IGF2BP2: variants seen among roughly 807,000 people sequenced by gnomAD.
The protein encoded by IGF2BP2 is insulin like growth factor 2 mRNA binding protein 2.
IGF2BP2 carries 17 observed loss-of-function variants against 75.8 expected under a neutral mutation model. That is an observed-to-expected ratio of 0.22 (90% CI 0.15 to 0.34). IGF2BP2 has a LOEUF of 0.34. IGF2BP2 is among the 10% of genes least tolerant of loss of function. The pLI is 1.00. For synonymous variants in IGF2BP2, 288 were observed against 295.6 expected (o/e 0.97, Z 0.26); for missense variants, 516 against 772.4 (o/e 0.67, Z 3.93).
intron 11 of IGF2BP2, 53 bp from the exon 12 acceptor site, chr3:185,657,455 C>T: frequency 1.4e-6 from 2 of 1,398,348 alleles, no homozygotes; most frequent in Non-Finnish European, 1.0e-6. Flanking sequence ...CTTTCTCCTC[C>T]AGGCACTCAA....
At chr3:185,663,252 T>C (rs1716763336) in intron 10 of IGF2BP2, among the ~76,000 whole-genome samples, 1 of 152,144 alleles carries the variant, frequency 6.6e-6, no homozygotes, top group Admixed American at 6.5e-5. Flanking sequence ...TACTTTATTT[T>C]TGAGTGTTTC....
chr3:185,800,640 G>A (rs1424035974), intron 2 of IGF2BP2, among the ~76,000 whole-genome samples: 2 of 151,758 alleles, frequency 1.3e-5, no homozygotes, highest in Non-Finnish European at 2.9e-5. Context: ...AGGAGGTTGA[G>A]GCCAGAGAAT....
chr3:185,707,860 T>C (rs1724269032), intron 2 of IGF2BP2, among the ~76,000 whole-genome samples: 1 of 152,228 alleles, frequency 6.6e-6, no homozygotes, highest in African/African-American at 2.4e-5. Context: ...CTGTGCAATG[T>C]AGAGAAAGAA....
At chr3:185,738,832 T>C (rs545991348) in intron 2 of IGF2BP2, among the ~76,000 whole-genome samples, 3 of 152,326 alleles carry the variant, frequency 2.0e-5, no homozygotes, top group Non-Finnish European at 4.4e-5. Flanking sequence ...AAATACAAAC[T>C]TTAAAACTTA....
At chr3:185,667,839 T>C (rs1717882966) in intron 10 of IGF2BP2, among the ~76,000 whole-genome samples, 1 of 152,226 alleles carries the variant, frequency 6.6e-6, no homozygotes, top group South Asian at 2.1e-4. Context: ...CAACCCTATG[T>C]CACACAAGTC....
At chr3:185,649,655 GAC>G (rs1044027005) in intron 13 of IGF2BP2, 121 bp from the exon 14 acceptor site, 54 of 1,362,384 alleles carry the variant, frequency 4.0e-5, no homozygotes, top group Non-Finnish European at 5.0e-5. Flanking sequence ...CACTCCCTGG[GAC>G]ACACAGGAAG....
In IGF2BP2 at chr3:185,649,096, T is replaced by G. The variant is rs9681691; in HGVS notation, c.1593+307A>C. On this transcript the variant is annotated intron_variant, in intron 14 of 15. Transcript: ENST00000382199. ...AGACAGCCTCTCTGTTTTCAGGGAG[T>G]GGAGGCCTTCACTGACCATGGAGTC... 7.5e-3 allele frequency among the ~76,000 whole-genome samples: 1,134 copies of G among 151,026 alleles called. 10 individuals are homozygous for G. Among genetic ancestry groups the G allele is most frequent in the African/African-American group, 0.026 (1,062 of 41,096 alleles).
At position 185,772,571 on chromosome 3, in the gene IGF2BP2, C is replaced by A. The variant is rs544933173; in HGVS notation, c.239+50582G>T. Among the ~76,000 whole-genome samples, 17 of 147,212 alleles carry A rather than the reference C, an allele frequency of 1.2e-4. No homozygotes were observed. In the East Asian group the frequency reaches 3.4e-3, roughly 29 times the overall value. On this transcript the variant is annotated intron_variant, in intron 2 of 15. Transcript: ENST00000382199. The stretch of plus-strand genomic sequence containing the variant: ...CCTATACAACTCCTTTTCTTCCCTT[C>A]TCTCTCTTTTTTTTTTTTTTTTTTT...
At chr3:185,770,302 G>C (rs1229799915) in intron 2 of IGF2BP2, among the ~76,000 whole-genome samples, 1 of 152,184 alleles carries the variant, frequency 6.6e-6, no homozygotes, top group African/African-American at 2.4e-5. Context: ...CAACCCGAGG[G>C]AGCATATCTG....
At chr3:185,806,034 T>A (rs1738982166) in intron 2 of IGF2BP2, among the ~76,000 whole-genome samples, 1 of 151,734 alleles carries the variant, frequency 6.6e-6, no homozygotes, top group South Asian at 2.1e-4. Flanking sequence ...CTCAGCCTGA[T>A]CTCAGGTGAT....
intron 10 of IGF2BP2, among the ~76,000 whole-genome samples, chr3:185,666,091 G>C (rs966626384): frequency 1.3e-5 from 2 of 152,128 alleles, no homozygotes; most frequent in Non-Finnish European, 2.9e-5. Flanking sequence ...TAGACACCCA[G>C]AATTCATTCA....
chr3:185,761,250 C>CA (rs1191010764), intron 2 of IGF2BP2, among the ~76,000 whole-genome samples: 1 of 151,704 alleles, frequency 6.6e-6, no homozygotes, highest in Non-Finnish European at 1.5e-5. Context: ...CCTGTACACA[C>CA]AAAAAAAGAG....
At chr3:185,716,690 T>C (rs372445742) in intron 2 of IGF2BP2, 29 of 520,016 alleles carry the variant, frequency 5.6e-5, no homozygotes, top group Non-Finnish European at 9.6e-5. Context: ...GTGTATTTAC[T>C]CAGGGCCATG....
chr3:185,665,669 T>C (rs1197818701), intron 10 of IGF2BP2, among the ~76,000 whole-genome samples: 1 of 151,798 alleles, frequency 6.6e-6, no homozygotes, highest in East Asian at 1.9e-4. Flanking sequence ...ATTTTTAGAG[T>C]TCTAAAGGAG....
intron 2 of IGF2BP2, among the ~76,000 whole-genome samples, chr3:185,817,571 A>C (rs556252339): frequency 6.6e-6 from 1 of 152,316 alleles, no homozygotes; most frequent in African/African-American, 2.4e-5. Context: ...TGCTCTGAGC[A>C]CTCTGCAATT....
chr3:185,777,067 C>G (rs537345377), intron 2 of IGF2BP2, among the ~76,000 whole-genome samples: 33 of 152,274 alleles, frequency 2.2e-4, no homozygotes, highest in African/African-American at 7.2e-4. Context: ...GAGTTTGGCT[C>G]TGAGCTTCCT....
intron 2 of IGF2BP2, chr3:185,767,895 A>G (rs1008952958): frequency 2.0e-5 from 3 of 153,672 alleles, no homozygotes; most frequent in African/African-American, 7.2e-5. Context: ...CAAAAACAGC[A>G]ATTACTTTCA....
At chr3:185,719,059 G>C (rs934029934) in intron 2 of IGF2BP2, among the ~76,000 whole-genome samples, 2 of 152,200 alleles carry the variant, frequency 1.3e-5, no homozygotes, top group African/African-American at 4.8e-5. Context: ...AGAGGAAGCA[G>C]ACAGAGGAAG....
chr3:185,736,048 C>CA (rs1675317417), intron 2 of IGF2BP2, among the ~76,000 whole-genome samples: 1 of 152,216 alleles, frequency 6.6e-6, no homozygotes, highest in Non-Finnish European at 1.5e-5. Flanking sequence ...CCCTCCCTCT[C>CA]AGAGTTTTTT....
Sources: allele counts gnomAD v4.1 joint callset (sites outside exome capture counted in the v4.1 genomes callset), GRCh38; gene constraint gnomAD v4.1.1; transcripts MANE v1.5; gene names NCBI Gene and HGNC (gene_info 2026-07-23, HGNC 2026-07-21).